PCDHGB7: variants seen among roughly 807,000 people sequenced by gnomAD.
PCDHGB7 encodes protocadherin gamma subfamily B, 7.
PCDHGB7 carries 37 observed loss-of-function variants against 61.4 expected under a neutral mutation model. That is an observed-to-expected ratio of 0.60 (90% CI 0.46 to 0.79). The LOEUF is 0.79. Ranked by LOEUF, PCDHGB7 falls within the 30% of genes least tolerant of loss-of-function variation. The pLI, the probability that PCDHGB7 is intolerant of heterozygous loss-of-function variation, is 0.00. For missense variants in PCDHGB7, 1,166 were observed against 1,202.5 expected (o/e 0.97, Z 0.45); for synonymous variants, 464 against 503.5 (o/e 0.92, Z 1.05).
Position 141,491,902 on chromosome 5 carries a change from G to C in PCDHGB7, c.2416-2905G>C. On this transcript the variant is annotated intron_variant, in intron 1 of 3. Transcript: ENST00000398594. This position sits in a 1 kb window ranked among gnomAD's most constrained non-coding sequence, Gnocchi z 6.9. ...AGGGATGGGGCTCCGAGCACCGGGG[G>C]TGGTGGCGACTGTGGGCGAGGGGAG... 7.0e-7 allele frequency: 1 copy of C among 1,429,002 alleles called. No individual in the cohort carries two copies. Among genetic ancestry groups the C allele is most frequent in the Non-Finnish European group, 9.3e-7 (1 of 1,079,426 alleles). The allele number at this position is 1,429,002 out of a possible 1,614,324, so 88.5% of individuals were successfully genotyped here. A position where few individuals can be genotyped will look rare whatever the true frequency, so the allele number is the denominator to read the frequency against.
At chr5:141,496,080 C>G (rs2099765822) in intron 2 of PCDHGB7, among the ~76,000 whole-genome samples, 2 of 152,150 alleles carry the variant, frequency 1.3e-5, no homozygotes, top group East Asian at 1.9e-4. Context: ...ACACAACCCC[C>G]CACCCACCAC....
chr5:141,461,392 A>G (rs781666201), intron 1 of PCDHGB7, among the ~76,000 whole-genome samples: 18 of 152,178 alleles, frequency 1.2e-4, no homozygotes, highest in Non-Finnish European at 2.2e-4. Context: ...ATGATTAGCG[A>G]TGTTGAGCAT....
intron 1 of PCDHGB7, among the ~76,000 whole-genome samples, chr5:141,444,472 C>T (rs559334960): frequency 2.1e-4 from 32 of 151,968 alleles, no homozygotes; most frequent in Admixed American, 1.5e-3. Flanking sequence ...CGCCCGGTCG[C>T]GTACTGGATT....
At chr5:141,422,989 C>T (rs777558098) in intron 1 of PCDHGB7, 1 of 1,614,232 alleles carries the variant, frequency 6.2e-7, no homozygotes, top group African/African-American at 1.3e-5. Flanking sequence ...ACCTGGCTAC[C>T]TGGTGACCAA....
At chr5:141,470,825 C>G (rs557419577) in intron 1 of PCDHGB7, among the ~76,000 whole-genome samples, 24 of 152,182 alleles carry the variant, frequency 1.6e-4, no homozygotes, top group African/African-American at 4.1e-4. Context: ...GTAGTTAGGA[C>G]GACAAACACA....
chr5:141,468,274 G>A (rs1461428449), intron 1 of PCDHGB7, among the ~76,000 whole-genome samples: 1 of 144,906 alleles, frequency 6.9e-6, no homozygotes, highest in Non-Finnish European at 1.5e-5. Flanking sequence ...GTGGTGAGCC[G>A]AGACCACGCC....
chr5:141,423,775 T>A, intron 1 of PCDHGB7: 1 of 1,209,960 alleles, frequency 8.3e-7, no homozygotes, highest in Non-Finnish European at 1.1e-6. Context: ...GCGGCATATA[T>A]TTAGTTCATA....
chr5:141,418,746 A>G lies in PCDHGB7; in HGVS notation c.887A>G (p.Tyr296Cys). 1 of 1,613,974 alleles carries G rather than the reference A, an allele frequency of 6.2e-7. No individual in the cohort carries two copies. Among genetic ancestry groups the G allele is most frequent in the Non-Finnish European group, 8.5e-7 (1 of 1,179,850 alleles). ...DKAQHVFSLD[Y>C]TTGNILTQQP... Reference sequence around the variant, plus strand: ...GCTCAGCACGTGTTCTCTCTGGATTACACTACAGGAAACATTCTAACTCAG... The same window carrying G: ...GCTCAGCACGTGTTCTCTCTGGATTGCACTACAGGAAACATTCTAACTCAG... The change falls in exon 1 of 4, where the codon TAC (tyrosine) becomes TGC (cysteine). Residue 296 changes from tyrosine (Y) to cysteine (C), a missense_variant. Physicochemically the swap from Tyr to Cys is radical, Grantham distance 194. Coordinates refer to ENST00000398594, the MANE Select transcript of PCDHGB7 (RefSeq NM_018927.4).
chr5:141,462,811 T>C (rs893444929), intron 1 of PCDHGB7, among the ~76,000 whole-genome samples: 1 of 152,206 alleles, frequency 6.6e-6, no homozygotes, highest in Non-Finnish European at 1.5e-5. Context: ...ATAATGTTTT[T>C]ATTGGACAGC....
At chr5:141,497,664 C>T (rs779506763) in intron 2 of PCDHGB7, among the ~76,000 whole-genome samples, 14 of 151,904 alleles carry the variant, frequency 9.2e-5, no homozygotes, top group Non-Finnish European at 1.8e-4. Context: ...CTCAGCCTCC[C>T]GAGTAGCTGG....
chr5:141,439,042 A>C (rs2098084096), intron 1 of PCDHGB7, among the ~76,000 whole-genome samples: 1 of 151,642 alleles, frequency 6.6e-6, no homozygotes, highest in Non-Finnish European at 1.5e-5. Context: ...TCAGTTCATA[A>C]GATTTCCATA....
Position 141,493,788 on chromosome 5 carries a change from C to A in PCDHGB7, c.2416-1019C>A, listed in dbSNP as rs2099750132. On this transcript the variant is annotated intron_variant, in intron 1 of 3. Transcript: ENST00000398594. This position sits in a 1 kb window ranked among gnomAD's most constrained non-coding sequence, Gnocchi z 4.3. ...ACTGGCAGTTCCGGAGCTTCCTTCT[C>A]CCTGGAGTAATCTGAGATACTCACA... 6.6e-6 allele frequency among the ~76,000 whole-genome samples: 1 copy of A among 152,162 alleles called. No homozygotes were observed. The highest frequency in any genetic ancestry group is 1.5e-5 in the Non-Finnish European group (1 of 68,026).
chr5:141,473,479 G>GA (rs150184379), intron 1 of PCDHGB7, among the ~76,000 whole-genome samples: 6,877 of 152,218 alleles, frequency 0.045, 184 homozygotes, highest in Middle Eastern at 0.088. Flanking sequence ...AAGTTCAATG[G>GA]AAAAAATATA....
rs765263883 is a variant in PCDHGB7 at position 141,491,018 on chromosome 5, C to T, written c.2416-3789C>T. On this transcript the variant is annotated intron_variant, in intron 1 of 3. Coordinates refer to ENST00000398594, the MANE Select transcript of PCDHGB7 (RefSeq NM_018927.4). This position sits in a 1 kb window ranked among gnomAD's most constrained non-coding sequence, Gnocchi z 6.9. The stretch of plus-strand genomic sequence containing the variant: ...CCTGGCTCCTTGGTCACCAAGGTGA[C>T]AGCCGTGGATGCTGATGCAGGCCAC... 1.2e-6 allele frequency: 2 copies of T among 1,614,146 alleles called. No individual in the cohort carries two copies. The highest frequency in any genetic ancestry group is 1.7e-6 in the Non-Finnish European group (2 of 1,180,042).
At position 141,473,299 on chromosome 5, in the gene PCDHGB7, G is replaced by A. The variant is rs182316672; in HGVS notation, c.2416-21508G>A. The stretch of plus-strand genomic sequence containing the variant: ...TATTTTACTATGTCAGTAGCATAAA[G>A]ATTGCTATATTAATAAGCATTAAGT... On this transcript the variant is annotated intron_variant, in intron 1 of 3. Coordinates refer to ENST00000398594, the MANE Select transcript of PCDHGB7 (RefSeq NM_018927.4). 5.6e-4 allele frequency among the ~76,000 whole-genome samples: 86 copies of A among 152,346 alleles called. 1 individual carries two copies. The highest frequency in any genetic ancestry group is 1.9e-3 in the African/African-American group (81 of 41,572).
chr5:141,446,759 G>A (rs983129633), intron 1 of PCDHGB7, among the ~76,000 whole-genome samples: 5 of 152,026 alleles, frequency 3.3e-5, no homozygotes, highest in Admixed American at 1.3e-4. Flanking sequence ...GAGCCACCGC[G>A]CCCAGCCGGT....
Position 141,432,211 on chromosome 5 carries a change from C to T in PCDHGB7, c.2415+11937C>T. 6.2e-7 allele frequency: 1 copy of T among 1,614,232 alleles called. No homozygotes were observed. The highest frequency in any genetic ancestry group is 8.5e-7 in the Non-Finnish European group (1 of 1,180,044). On this transcript the variant is annotated intron_variant, in intron 1 of 3. Coordinates refer to ENST00000398594, the MANE Select transcript of PCDHGB7 (RefSeq NM_018927.4). The surrounding 1 kb of genome is among the most constrained non-coding windows in gnomAD (Gnocchi z 6.0). ...CCCACGACCCCGACTGTGAAGAGAA[C>T]GCCCAGATCACTTATTCCCTGGCTG... is the stretch of plus-strand genomic sequence containing the variant.
intron 1 of PCDHGB7, among the ~76,000 whole-genome samples, chr5:141,484,096 G>T (rs539388257): frequency 6.6e-6 from 1 of 152,244 alleles, no homozygotes; most frequent in Non-Finnish European, 1.5e-5. Flanking sequence ...GTCTTCGTTG[G>T]TAATTAACAA....
chr5:141,418,423 T>G lies in PCDHGB7; in HGVS notation c.564T>G (p.Gly188=), dbSNP rs1469880702. The change falls in exon 1 of 4, where the codon GGT becomes GGG. Residue 188 remains glycine (G), a synonymous_variant. Transcript: ENST00000398594. ...FSLVEKDNPD[G]GKYPELVLQK... ...TGGTGGAGAAAGACAATCCTGATGG[T>G]GGCAAATATCCAGAATTAGTATTGC... 1 of 1,613,868 alleles carries G rather than the reference T, an allele frequency of 6.2e-7. No homozygotes were observed.
Sources: allele counts gnomAD v4.1 joint callset (sites outside exome capture counted in the v4.1 genomes callset), GRCh38; gene constraint gnomAD v4.1.1; non-coding constraint Gnocchi (gnomAD v3.1); transcripts MANE v1.5; gene names NCBI Gene and HGNC (gene_info 2026-07-23, HGNC 2026-07-21).